The following TENM3 variants were observed in gnomAD, a reference collection of about 807,000 sequenced individuals.
The protein encoded by TENM3 is teneurin-3.
Under a neutral mutation model 255.1 loss-of-function variants are expected in TENM3, and 63 were observed. The observed-to-expected ratio is 0.25, with a 90% CI of 0.20 to 0.30. The LOEUF is 0.30. Ranked by LOEUF, TENM3 falls within the 10% of genes least tolerant of loss-of-function variation. The probability of loss-of-function intolerance (pLI) is 1.00; values close to 1 mark genes in which losing one functional copy is unlikely to be tolerated. For missense variants in TENM3, 2,929 were observed against 3,461.1 expected, an observed-to-expected ratio of 0.85 and a Z score of 3.86; for synonymous variants, 1,306 against 1,322.3, an observed-to-expected ratio of 0.99 and a Z score of 0.27.
intron 1 of TENM3, among the ~76,000 whole-genome samples, chr4:182,212,018 A>C: frequency 6.6e-6 from 1 of 152,346 alleles, no homozygotes; most frequent in Non-Finnish European, 1.5e-5. Context: ...ATATATATCT[A>C]TTAAACCAAG....
the TENM3 span, among the ~76,000 whole-genome samples, chr4:182,079,291 C>T: frequency 1.3e-5 from 2 of 152,028 alleles, no homozygotes; most frequent in Non-Finnish European, 2.9e-5. Flanking sequence ...CCGAGGCGGG[C>T]AGATCATGAG....
intron 3 of TENM3, among the ~76,000 whole-genome samples, chr4:182,381,474 G>A (rs1397767513): frequency 6.6e-6 from 1 of 152,040 alleles, no homozygotes. Flanking sequence ...TTTCCCCCTA[G>A]GGCCTGAGAT....
At position 182,601,117 on chromosome 4, in the gene TENM3, G is replaced by A; in HGVS notation, c.705G>A (p.Leu235=). Residue 235 remains leucine, a synonymous_variant, in exon 4 of 28, where the codon CTG becomes CTA. Coordinates refer to ENST00000511685, the MANE Select transcript of TENM3 (RefSeq NM_001080477.4). ...AAACCACACCCGAGTCCGTCCAGCT[G>A]CAGGACAGCTGGGTCCTTGGCAGTA... ...ELQTTPESVQ[L]QDSWVLGSNV... The A allele has an allele frequency of 1.9e-6, 3 of 1,613,866 alleles. No individual in the cohort carries two copies. Among genetic ancestry groups the A allele is most frequent in the East Asian group, 2.2e-5 (1 of 44,852 alleles).
chr4:181,857,889 A>C, the TENM3 span, among the ~76,000 whole-genome samples: 1 of 152,108 alleles, frequency 6.6e-6, no homozygotes, highest in Non-Finnish European at 1.5e-5. Flanking sequence ...GTCTGCTGTG[A>C]GGAGAAAGGA....
At chr4:182,561,985 C>CAGAT (rs60745078) in intron 3 of TENM3, among the ~76,000 whole-genome samples, 39,301 of 145,126 alleles carry the variant, frequency 0.27, 5,399 homozygotes, top group African/African-American at 0.34. Context: ...GATAGATAGA[C>CAGAT]AGATAGATAG....
intron 4 of TENM3, among the ~76,000 whole-genome samples, chr4:182,610,328 G>A (rs1395378931): frequency 6.6e-6 from 1 of 152,006 alleles, no homozygotes; most frequent in African/African-American, 2.4e-5. Context: ...ACCTGCAGAT[G>A]TTTTGCCTGC....
the TENM3 span, among the ~76,000 whole-genome samples, chr4:181,860,053 T>C: frequency 2.0e-5 from 3 of 152,234 alleles, no homozygotes; most frequent in Admixed American, 2.0e-4. Context: ...CATCTGATTA[T>C]TACCATTACA....
intron 3 of TENM3, among the ~76,000 whole-genome samples, chr4:182,434,356 A>G (rs1474781796): frequency 2.0e-5 from 3 of 152,150 alleles, no homozygotes; most frequent in Non-Finnish European, 2.9e-5. Flanking sequence ...ACTTCATAGA[A>G]TTAAAATTAA....
At chr4:182,433,028 A>C (rs1771779511) in intron 3 of TENM3, among the ~76,000 whole-genome samples, 2 of 152,160 alleles carry the variant, frequency 1.3e-5, no homozygotes, top group African/African-American at 4.8e-5. Context: ...GTGTTTCTGA[A>C]TGCAGTGTGA....
intron 1 of TENM3, among the ~76,000 whole-genome samples, chr4:182,280,911 C>T (rs1019812602): frequency 6.6e-6 from 1 of 152,190 alleles, no homozygotes; most frequent in Non-Finnish European, 1.5e-5. Flanking sequence ...CCTAAGGAGC[C>T]TCGAGAAGCA....
At chr4:182,761,555 A>G (rs1314031511) in intron 22 of TENM3, among the ~76,000 whole-genome samples, 1 of 152,146 alleles carries the variant, frequency 6.6e-6, no homozygotes, top group Non-Finnish European at 1.5e-5. Context: ...TTTCTGCCAA[A>G]AACTGCATTA....
rs764509813 is a variant in TENM3, at chr4:182,324,168, T to G, written c.148T>G (p.Phe50Val). Residue 50 changes from phenylalanine (F) to valine (V), a missense_variant, in exon 2 of 28, where the codon TTT (phenylalanine) becomes GTT (valine). By Grantham distance (50) the Phe-to-Val change is conservative. This residue lies in a region of TENM3 where 283 missense variants were observed against 256.9 expected (regional missense o/e 1.10). Transcript: ENST00000511685. ...SYSSSETLKA[F>V]DHDSSRLLYG... is the part of the protein sequence containing the mutation. ...CAGTTCCAGCGAGACATTGAAAGCT[T>G]TTGATCATGATTCCTCGCGGCTGCT... is the stretch of plus-strand genomic sequence containing the variant. 2 of 1,613,960 alleles carry G rather than the reference T, an allele frequency of 1.2e-6. No homozygotes were observed.
the TENM3 span, among the ~76,000 whole-genome samples, chr4:181,557,776 C>T: frequency 6.6e-6 from 1 of 152,158 alleles, no homozygotes; most frequent in African/African-American, 2.4e-5. Flanking sequence ...AGAGATCTGC[C>T]TGACTTGGCC....
At chr4:182,790,295 A>T (rs1766000267) in intron 25 of TENM3, among the ~76,000 whole-genome samples, 2 of 151,984 alleles carry the variant, frequency 1.3e-5, no homozygotes, top group South Asian at 4.2e-4. Flanking sequence ...TTACTGTTCC[A>T]CCCCTCCTGA....
chr4:182,681,115 G>A (rs1329219970), intron 10 of TENM3, among the ~76,000 whole-genome samples: 1 of 152,072 alleles, frequency 6.6e-6, no homozygotes, highest in Non-Finnish European at 1.5e-5. Context: ...CACATAATAT[G>A]CTACCTAAAA....
chr4:182,399,419 A>G (rs1580415578), intron 3 of TENM3, among the ~76,000 whole-genome samples: 1 of 152,182 alleles, frequency 6.6e-6, no homozygotes, highest in South Asian at 2.1e-4. Context: ...AGCAGTGGCT[A>G]CCTTTGAATT....
intron 6 of TENM3, among the ~76,000 whole-genome samples, chr4:182,655,911 T>C (rs2152520292): frequency 6.6e-6 from 1 of 152,334 alleles, no homozygotes. Context: ...CCTGGGATTT[T>C]CCATTTTATT....
At chr4:181,922,469 G>A in the TENM3 span, among the ~76,000 whole-genome samples, 7 of 152,176 alleles carry the variant, frequency 4.6e-5, no homozygotes, top group Admixed American at 4.6e-4. Flanking sequence ...TTGGGAGGGT[G>A]TATGTGTTGA....
chr4:182,637,665 A>G (rs1044571806), intron 5 of TENM3, among the ~76,000 whole-genome samples: 2 of 152,228 alleles, frequency 1.3e-5, no homozygotes, highest in Non-Finnish European at 2.9e-5. Context: ...TCAGGTGACT[A>G]CCATGGGTCA....
Sources: gnomAD v4.1 joint callset for allele counts (sites outside exome capture counted in the v4.1 genomes callset) on GRCh38, gnomAD v4.1.1 for gene constraint, gnomAD v4.1.1 regional missense constraint, MANE v1.5 for transcripts, NCBI Gene and HGNC (gene_info 2026-07-23, HGNC 2026-07-21) for gene names.